The following SPHKAP variants were observed in gnomAD, a reference collection of about 807,000 sequenced individuals.
SPHKAP encodes A-kinase anchor protein SPHKAP.
In SPHKAP, 67 loss-of-function variants were observed where a neutral mutation model predicts 137.5. The observed-to-expected ratio is 0.49, with a 90% CI of 0.40 to 0.60. The LOEUF is 0.60. Among genes scored for constraint, SPHKAP ranks in the 20% least tolerant of loss-of-function variants. SPHKAP has a pLI of 0.00. For synonymous variants in SPHKAP, 813 were observed against 785.3 expected, an observed-to-expected ratio of 1.04 and a Z score of -0.59; for missense variants, 2,097 against 2,069.3, an observed-to-expected ratio of 1.01 and a Z score of -0.26.
chr2:228,168,534 T>TGG (rs999628969), intron 1 of SPHKAP, among the ~76,000 whole-genome samples: 20 of 152,298 alleles, frequency 1.3e-4, no homozygotes, highest in Non-Finnish European at 2.6e-4. Context: ...GTGATTATTT[T>TGG]GGGGCACCAC....
intron 3 of SPHKAP, among the ~76,000 whole-genome samples, chr2:228,092,584 A>G (rs1334529685): frequency 7.0e-6 from 1 of 143,256 alleles, no homozygotes; most frequent in African/African-American, 2.5e-5. Flanking sequence ...TGTATATTAT[A>G]TGTGTATATA....
intron 3 of SPHKAP, among the ~76,000 whole-genome samples, chr2:228,092,684 T>C (rs1423935762): frequency 6.7e-6 from 1 of 149,802 alleles, no homozygotes; most frequent in Non-Finnish European, 1.5e-5. Context: ...GTGCCATGTA[T>C]ATACGTGTAT....
chr2:228,043,223 C>T (rs1251071384), intron 3 of SPHKAP, among the ~76,000 whole-genome samples: 8 of 152,108 alleles, frequency 5.3e-5, no homozygotes, highest in African/African-American at 7.2e-5. Flanking sequence ...AGATCAAACC[C>T]GTGAATCCAA....
intron 1 of SPHKAP, among the ~76,000 whole-genome samples, chr2:228,166,408 C>T (rs1163683219): frequency 2.0e-5 from 3 of 152,132 alleles, no homozygotes; most frequent in African/African-American, 7.2e-5. Context: ...ATTTACTTCA[C>T]ATGCCTTTTT....
Position 228,019,387 on chromosome 2 carries a change from G to T in SPHKAP, c.1467C>A (p.Ser489Arg), listed in dbSNP as rs775189623. 1.2e-6 allele frequency: 2 copies of T among 1,614,200 alleles called. No homozygotes were observed. The highest frequency in any genetic ancestry group is 1.3e-5 in the African/African-American group (1 of 75,054). ...CTTCTAGAGCACTCTGGGGTTGTCT[G>T]CTGGAGTTCTCTCCAGAGAGGATGC... ...TSSILSGENS[S>R]RQPQSALEVA... The change falls in exon 7 of 12, where the codon AGC (serine) becomes AGA (arginine). Residue 489 changes from serine to arginine, a missense_variant. By Grantham distance (110) the Ser-to-Arg change is moderately radical. Coordinates refer to ENST00000392056, the MANE Select transcript of SPHKAP (RefSeq NM_001142644.2).
At chr2:227,996,529 GCAATCT>G (rs1239576014) in intron 7 of SPHKAP, among the ~76,000 whole-genome samples, 7 of 152,130 alleles carry the variant, frequency 4.6e-5, no homozygotes, top group Non-Finnish European at 1.0e-4. Context: ...CGGTTCCTAA[GCAATCT>G]CATCCACTTG....
chr2:228,153,653 T>C (rs926282614), intron 1 of SPHKAP, among the ~76,000 whole-genome samples: 2 of 152,228 alleles, frequency 1.3e-5, no homozygotes, highest in Non-Finnish European at 2.9e-5. Flanking sequence ...TGTTTATCTT[T>C]GGTGGTCTGA....
At chr2:228,071,206 G>T (rs1696994609) in intron 3 of SPHKAP, among the ~76,000 whole-genome samples, 1 of 152,184 alleles carries the variant, frequency 6.6e-6, no homozygotes. Flanking sequence ...ACAGTAGTTT[G>T]CCTATCCCTT....
At chr2:228,029,630 A>G (rs1469015652) in intron 3 of SPHKAP, among the ~76,000 whole-genome samples, 1 of 152,220 alleles carries the variant, frequency 6.6e-6, no homozygotes, top group African/African-American at 2.4e-5. Context: ...AGAAATTGGC[A>G]TGAGTCCCTT....
intron 1 of SPHKAP, among the ~76,000 whole-genome samples, chr2:228,180,992 G>A (rs566074716): frequency 6.6e-6 from 1 of 152,026 alleles, no homozygotes; most frequent in Non-Finnish European, 1.5e-5. Flanking sequence ...AGGGGGTGTG[G>A]GGACGGTGGA....
chr2:228,016,834 A>C lies in SPHKAP; in HGVS notation c.4020T>G (p.Ser1340=). 1 of 1,614,050 alleles carries C rather than the reference A, an allele frequency of 6.2e-7. No homozygotes were observed. Among genetic ancestry groups the C allele is most frequent in the Non-Finnish European group, 8.5e-7 (1 of 1,180,006 alleles). Residue 1340 remains serine (S), a synonymous_variant, in exon 7 of 12, where the codon TCT becomes TCG. Coordinates refer to ENST00000392056, the MANE Select transcript of SPHKAP (RefSeq NM_001142644.2). ...EADTEPVSGG[S]PSQAEKCANR... Reference sequence around the variant, plus strand: ...TTGCACACTTCTCTGCTTGCGAGGGAGAGCCACCAGAAACAGGCTCAGTGT... The same window carrying C: ...TTGCACACTTCTCTGCTTGCGAGGGCGAGCCACCAGAAACAGGCTCAGTGT...
At position 228,019,153 on chromosome 2, in the gene SPHKAP, G is replaced by A. The variant is rs371211421; in HGVS notation, c.1701C>T (p.Ala567=). The stretch of plus-strand genomic sequence containing the variant: ...TTTCACCCAGACCACAGACAGCCAC[G>A]GCACTGGCCACCTGAGTCATGCCAC... The part of the protein sequence containing the change: ...ALCGMTQVAS[A]VAVCGLGERE... Residue 567 remains alanine (A), a synonymous_variant, in exon 7 of 12, where the codon GCC becomes GCT. Transcript: ENST00000392056. 232 of 1,613,726 alleles carry A rather than the reference G, an allele frequency of 1.4e-4. No individual in the cohort carries two copies. Among genetic ancestry groups the A allele is most frequent in the African/African-American group, 3.7e-4 (28 of 75,046 alleles).
Position 228,019,783 on chromosome 2 carries a change from A to G in SPHKAP, c.1071T>C (p.Cys357=). 6.2e-7 allele frequency: 1 copy of G among 1,614,112 alleles called. No individual in the cohort carries two copies. The highest frequency in any genetic ancestry group is 8.5e-7 in the Non-Finnish European group (1 of 1,179,980). The stretch of plus-strand genomic sequence containing the variant: ...GGTTGCTTCTCTGCTCTGCCACAGC[A>G]CATGCAGAAGGTACATCTTTATCCA... ...SMMDKDVPSA[C]AVAEQRSNLN... The change falls in exon 7 of 12, where the codon TGT becomes TGC. Residue 357 remains cysteine (C), a synonymous_variant. Coordinates refer to ENST00000392056, the MANE Select transcript of SPHKAP (RefSeq NM_001142644.2).
intron 2 of SPHKAP, chr2:228,131,449 G>T: frequency 7.2e-6 from 2 of 278,198 alleles, no homozygotes; most frequent in Non-Finnish European, 1.1e-5. Flanking sequence ...ATTTTATGTT[G>T]TTCAAGGGTT....
chr2:228,116,630 T>C (rs1337272088), intron 2 of SPHKAP, among the ~76,000 whole-genome samples: 1 of 152,168 alleles, frequency 6.6e-6, no homozygotes, highest in East Asian at 1.9e-4. Context: ...TGTCAGAAAC[T>C]AAGCTAGGTT....
At chr2:228,096,612 A>G (rs1348953615) in intron 3 of SPHKAP, among the ~76,000 whole-genome samples, 3 of 148,106 alleles carry the variant, frequency 2.0e-5, no homozygotes, top group Non-Finnish European at 3.0e-5. Flanking sequence ...ATTCAAACCC[A>G]TGTTGTTCAG....
intron 3 of SPHKAP, among the ~76,000 whole-genome samples, chr2:228,055,162 G>A (rs1299835885): frequency 1.1e-5 from 1 of 94,360 alleles, no homozygotes; most frequent in Non-Finnish European, 2.3e-5. Flanking sequence ...AAAAAAAAGT[G>A]GTTTGAAAGA....
At chr2:228,072,477 G>A (rs547734382) in intron 3 of SPHKAP, among the ~76,000 whole-genome samples, 25 of 152,138 alleles carry the variant, frequency 1.6e-4, no homozygotes, top group Non-Finnish European at 3.4e-4. Context: ...ATTTTCCAGA[G>A]GAGATGACCC....
chr2:228,083,316 T>C (rs1373058242), intron 3 of SPHKAP, among the ~76,000 whole-genome samples: 1 of 152,208 alleles, frequency 6.6e-6, no homozygotes, highest in Non-Finnish European at 1.5e-5. Flanking sequence ...AGTGTACAAG[T>C]GTTCCTATTT....
Sources: gnomAD v4.1 joint callset for allele counts (sites outside exome capture counted in the v4.1 genomes callset) on GRCh38, gnomAD v4.1.1 for gene constraint, MANE v1.5 for transcripts, NCBI Gene and HGNC (gene_info 2026-07-23, HGNC 2026-07-21) for gene names.